Variants in TCAF2 observed in about 807,000 individuals in gnomAD.
TCAF2 encodes the protein TRPM8 channel-associated factor 2.
Under a neutral mutation model 33.9 loss-of-function variants are expected in TCAF2, and 6 were observed. The ratio of observed to expected loss-of-function variants is 0.18; its 90% confidence interval spans 0.10 to 0.35. The LOEUF (loss-of-function observed/expected upper bound fraction) is 0.35. Among genes scored for constraint, TCAF2 ranks in the 10% least tolerant of loss-of-function variants. TCAF2 has a pLI of 1.00. For synonymous variants in TCAF2, 41 were observed against 247.8 expected (o/e 0.17, Z 7.84); for missense variants, 109 against 604.0 (o/e 0.18, Z 8.59).
intron 1 of TCAF2, among the ~76,000 whole-genome samples, chr7:143,634,818 G>A (rs1392704871): frequency 9.6e-6 from 1 of 104,496 alleles, no homozygotes; most frequent in Non-Finnish European, 2.0e-5. Context: ...GATTATCAAT[G>A]CCCATATTGT....
At chr7:143,718,415 T>A (rs1035123518) in intron 2 of TCAF2, among the ~76,000 whole-genome samples, 3 of 150,808 alleles carry the variant, frequency 2.0e-5, no homozygotes, top group Non-Finnish European at 4.4e-5. Context: ...TGGTTTTTTA[T>A]TTTTTTTACC....
At position 143,648,542 on chromosome 7, in the gene TCAF2, G is replaced by A. The variant is rs1157223654; in HGVS notation, c.-12+27522G>A. 1.5e-5 allele frequency among the ~76,000 whole-genome samples: 2 copies of A among 130,482 alleles called. 1 individual carries two copies. Among genetic ancestry groups the A allele is most frequent in the Admixed American group, 1.8e-4 (2 of 11,120 alleles). 85.6% of individuals were successfully genotyped at this position (130,482 alleles called of 152,430 possible). On this transcript the variant is annotated intron_variant, in intron 1 of 7. Transcript: ENST00000684770. ...TAAAAACACCAAATCTGGACTCTCC[G>A]TAGGGTAGTTCTGATCTAGGAACAC...
At chr7:143,701,806 ATTTTATTTTATTTTATTT>A (rs1563172077) in intron 1 of TCAF2, among the ~76,000 whole-genome samples, 96 of 118,508 alleles carry the variant, frequency 8.1e-4, no homozygotes, top group African/African-American at 3.2e-3. Context: ...ATTTTATTTT[ATTTTATTTTATTTTATTT>A]TATTTTTTGA....
In TCAF2 at chr7:143,730,310, T is replaced by A. The variant is rs1172562147; in HGVS notation, c.*2643T>A. ...TTAATGATCGCCATTCTAACTGGCA[T>A]GAGATGGTACCCCATTGTGGTTTTG... On this transcript the variant is annotated 3_prime_UTR_variant, in exon 8 of 8. Coordinates refer to ENST00000684770, the MANE Select transcript of TCAF2 (RefSeq NM_001363538.2). 6.6e-6 allele frequency: 1 copy of A among 152,180 alleles called. No homozygotes were observed. Among genetic ancestry groups the A allele is most frequent in the Non-Finnish European group, 1.5e-5 (1 of 68,036 alleles). The allele number at this position is 152,180 out of a possible 1,614,324, so 9.4% of individuals were successfully genotyped here. A position where few individuals can be genotyped will look rare whatever the true frequency, so the allele number is the denominator to read the frequency against.
At chr7:143,707,725 AAGCTTCATCTGTATTTAC>A (rs1176023725) in intron 2 of TCAF2, among the ~76,000 whole-genome samples, 87 of 151,226 alleles carry the variant, frequency 5.8e-4, no homozygotes, top group Non-Finnish European at 1.0e-3. Context: ...TGAGCAAATA[AAGCTTCATCTGTATTTAC>A]AGCCACTCCC....
In TCAF2 at chr7:143,628,289, C is replaced by G. The variant is rs1336961762; in HGVS notation, c.-12+7269C>G. Among the ~76,000 whole-genome samples the G allele has an allele frequency of 8.5e-4, 29 of 34,072 alleles. 12 individuals are homozygous for G. Among genetic ancestry groups the G allele is most frequent in the Non-Finnish European group, 1.7e-3 (29 of 17,388 alleles). The allele number at this position is 34,072 out of a possible 152,430, so 22.4% of individuals were successfully genotyped here. A position where few individuals can be genotyped will look rare whatever the true frequency, so the allele number is the denominator to read the frequency against. On this transcript the variant is annotated intron_variant, in intron 1 of 7. Coordinates refer to ENST00000684770, the MANE Select transcript of TCAF2 (RefSeq NM_001363538.2). ...CTACTCTTTGTTGAACAGTTTACTTCGGTCTGGACTTTGAAAGTAGACCTC... is the reference window on the plus strand; with the variant it reads ...CTACTCTTTGTTGAACAGTTTACTTGGGTCTGGACTTTGAAAGTAGACCTC...
chr7:143,634,915 A>T lies in TCAF2; in HGVS notation c.-12+13895A>T, dbSNP rs564564983. ...GAAATTAAAAATACAAAAAAAAAAG[A>T]TACTCAAGTGTTGGGGGCTGCAGGT... On this transcript the variant is annotated intron_variant, in intron 1 of 7. Transcript: ENST00000684770. 2.7e-4 allele frequency among the ~76,000 whole-genome samples: 38 copies of T among 138,836 alleles called. 4 individuals carry two copies. The highest frequency in any genetic ancestry group is 1.0e-3 in the African/African-American group (36 of 36,108). 91.1% of individuals were successfully genotyped at this position (138,836 alleles called of 152,430 possible). A position where few individuals can be genotyped will look rare whatever the true frequency, so the allele number is the denominator to read the frequency against.
rs1378835859 is a variant in TCAF2, at chr7:143,724,466, G to T, written c.2274G>T (p.Glu758Asp). 2 of 1,610,796 alleles carry T rather than the reference G, an allele frequency of 1.2e-6. No individual in the cohort carries two copies. Among genetic ancestry groups the T allele is most frequent in the African/African-American group, 1.3e-5 (1 of 74,658 alleles). ...RSRGVWGPIH[E>D]LGHNQQRHGW... ...GGGGTGTGTGGGGCCCCATCCATGA[G>T]CTGGGCCACAACCAACAGCGGCATG... is the stretch of plus-strand genomic sequence containing the variant. Residue 758 changes from glutamate to aspartate, a missense_variant, in exon 7 of 8, where the codon GAG becomes GAT. Glu to Asp is a conservative substitution (Grantham distance 45). Transcript: ENST00000684770.
At chr7:143,647,277 C>G in intron 1 of TCAF2, 1 of 394,038 alleles carries the variant, frequency 2.5e-6, no homozygotes, top group Non-Finnish European at 4.4e-6. Flanking sequence ...AGTAGACACA[C>G]AAGTCGCTGT....
intron 1 of TCAF2, among the ~76,000 whole-genome samples, chr7:143,701,824 T>TTATTTTA (rs1192195130): frequency 8.7e-6 from 1 of 115,582 alleles, no homozygotes; most frequent in Admixed American, 8.4e-5. Flanking sequence ...TTATTTTATT[T>TTATTTTA]TATTTTTTGA....
intron 3 of TCAF2, 91 bp downstream of exon 3, chr7:143,720,765 C>T: frequency 9.4e-7 from 1 of 1,059,426 alleles, no homozygotes; most frequent in Non-Finnish European, 1.2e-6. Flanking sequence ...AGGTACTTAC[C>T]CTCAGGAAGA....
Position 143,724,547 on chromosome 7 carries a change from C to G in TCAF2, c.2355C>G (p.Tyr785Ter), listed in dbSNP as rs371653460. The G allele has an allele frequency of 1.9e-6, 3 of 1,610,850 alleles. No individual in the cohort carries two copies. The highest frequency in any genetic ancestry group is 1.3e-5 in the African/African-American group (1 of 74,762). ...TEATCNLWSV[Y>*]VHETVLGIPR... is the part of the protein sequence containing the mutation. ...CCACCTGTAACCTTTGGTCAGTCTA[C>G]GTGCATGAAACAGTCCTGGGGATCC... The change falls in exon 7 of 8, where the codon TAC becomes TAG. Residue 785 changes from tyrosine (Y) to a stop codon, truncating the protein, a stop_gained. Coordinates refer to ENST00000684770, the MANE Select transcript of TCAF2 (RefSeq NM_001363538.2). LOFTEE classifies it high-confidence loss of function.
rs12540107 is a variant in TCAF2 at position 143,728,285 on chromosome 7, G to T, written c.*618G>T. ...ATCCTGGGTGCTGAATCTCACTTCA[G>T]TGTTGACCCCCTTGGGGTTAGCATT... On this transcript the variant is annotated 3_prime_UTR_variant, in exon 8 of 8. Transcript: ENST00000684770. 78,248 of 158,216 alleles carry T rather than the reference G, an allele frequency of 0.49. 20,711 individuals are homozygous for T. The highest frequency in any genetic ancestry group is 0.7 in the South Asian group (3,827 of 5,498). 9.8% of individuals were successfully genotyped at this position (158,216 alleles called of 1,614,324 possible).
chr7:143,725,488 G>A (rs1809657720), intron 7 of TCAF2, among the ~76,000 whole-genome samples: 1 of 151,854 alleles, frequency 6.6e-6, no homozygotes, highest in Admixed American at 6.6e-5. Flanking sequence ...AAGAATTTAA[G>A]CAATCTCTCC....
chr7:143,728,588 CCCATTCGTTCATA>C lies in TCAF2; in HGVS notation c.*925_*937del. On this transcript the variant is annotated 3_prime_UTR_variant, in exon 8 of 8. Transcript: ENST00000684770. ...TAACAGCTGCTACTAAGTCTATATG[CCCATTCGTTCATA>C]CCACAAAACAGGCATCTGACTCCTC... The C allele has an allele frequency of 1.3e-5, 2 of 152,266 alleles. No homozygotes were observed. Among genetic ancestry groups the C allele is most frequent in the South Asian group, 4.2e-4 (2 of 4,814 alleles). The allele number at this position is 152,266 out of a possible 1,614,324, so 9.4% of individuals were successfully genotyped here. A position where few individuals can be genotyped will look rare whatever the true frequency, so the allele number is the denominator to read the frequency against.
In TCAF2 at chr7:143,708,332, T is replaced by G. The variant is rs1439163232; in HGVS notation, c.623+4715T>G. 4.6e-5 allele frequency among the ~76,000 whole-genome samples: 3 copies of G among 64,898 alleles called. 1 individual carries two copies. The highest frequency in any genetic ancestry group is 8.4e-5 in the Non-Finnish European group (3 of 35,730). 42.6% of individuals were successfully genotyped at this position (64,898 alleles called of 152,430 possible). ...GCTTTCAAGCTACAGTGTCTGCCAT[T>G]GTTGAATAGTTTCAGCAGAGACCAT... On this transcript the variant is annotated intron_variant, in intron 2 of 7. Coordinates refer to ENST00000684770, the MANE Select transcript of TCAF2 (RefSeq NM_001363538.2).
chr7:143,724,847 G>C (rs2116531541), intron 7 of TCAF2, 150 bp downstream of exon 7: 1 of 1,551,910 alleles, frequency 6.4e-7, no homozygotes, highest in South Asian at 1.2e-5. Flanking sequence ...CCGCAGGGTG[G>C]TGCTTCTTGG....
chr7:143,647,897 T>TTTCTTTCTTTCTTTCTTTC (rs764678570), intron 1 of TCAF2, among the ~76,000 whole-genome samples: 751 of 116,828 alleles, frequency 6.4e-3, no homozygotes, highest in South Asian at 0.015. Flanking sequence ...TCTTTCTTTC[T>TTTCTTTCTTTCTTTCTTTC]TTTCTTTCTT....
Position 143,724,462 on chromosome 7 carries a change from A to G in TCAF2, c.2270A>G (p.His757Arg). The change falls in exon 7 of 8, where the codon CAT becomes CGT. Residue 757 changes from histidine to arginine, a missense_variant. His to Arg is a conservative substitution (Grantham distance 29). Coordinates refer to ENST00000684770, the MANE Select transcript of TCAF2 (RefSeq NM_001363538.2). ...MRSRGVWGPI[H>R]ELGHNQQRHG... The stretch of plus-strand genomic sequence containing the variant: ...AGCAGGGGTGTGTGGGGCCCCATCC[A>G]TGAGCTGGGCCACAACCAACAGCGG... 2 of 1,610,794 alleles carry G rather than the reference A, an allele frequency of 1.2e-6. No homozygotes were observed. Among genetic ancestry groups the G allele is most frequent in the African/African-American group, 2.7e-5 (2 of 74,744 alleles).
Sources: allele counts gnomAD v4.1 joint callset (sites outside exome capture counted in the v4.1 genomes callset), GRCh38; gene constraint gnomAD v4.1.1; transcripts MANE v1.5; gene names NCBI Gene and HGNC (gene_info 2026-07-23, HGNC 2026-07-21).